ZNF90: variants seen among roughly 807,000 people sequenced by gnomAD.
The protein encoded by ZNF90 is zinc finger protein HTF9.
A neutral mutation model predicts 12.0 loss-of-function variants in ZNF90; 11 were observed. The ratio of observed to expected loss-of-function variants is 0.92; its 90% CI spans 0.58 to 1.52. The LOEUF is 1.52. ZNF90 is among the 40% of genes most tolerant of loss of function. ZNF90 has a pLI of 0.00. For missense variants in ZNF90, 765 were observed against 711.5 expected (o/e 1.08, Z -0.86); for synonymous variants, 232 against 240.1 (o/e 0.97, Z 0.31).
At position 20,114,471 on chromosome 19, in the gene ZNF90, A is replaced by G. The variant is rs899677789; in HGVS notation, c.227-3310A>G. Among the ~76,000 whole-genome samples, 6 of 152,276 alleles carry G rather than the reference A, an allele frequency of 3.9e-5. No individual in the cohort carries two copies. In the East Asian group the frequency reaches 1.2e-3, roughly 29 times the overall value. On this transcript the variant is annotated intron_variant, in intron 3 of 3. Transcript: ENST00000418063. Reference sequence around the variant, plus strand: ...CTGTTTCAAAGAGCATAACTGATTTATATATCTTATACAATATCTGTCTGT... The same window carrying G: ...CTGTTTCAAAGAGCATAACTGATTTGTATATCTTATACAATATCTGTCTGT...
chr19:20,096,755 G>T (rs2088950398), intron 1 of ZNF90, among the ~76,000 whole-genome samples: 1 of 152,190 alleles, frequency 6.6e-6, no homozygotes. Context: ...GGATGCGATG[G>T]CTTGGCTTGG....
intron 3 of ZNF90, among the ~76,000 whole-genome samples, chr19:20,107,296 G>T (rs1490006782): frequency 6.6e-6 from 1 of 152,216 alleles, no homozygotes; most frequent in Non-Finnish European, 1.5e-5. Flanking sequence ...GATGGTTACA[G>T]AGTAAGTTCT....
intron 1 of ZNF90, among the ~76,000 whole-genome samples, chr19:20,081,983 C>A (rs866214752): frequency 3.3e-5 from 5 of 151,926 alleles, no homozygotes; most frequent in South Asian, 2.1e-4. Flanking sequence ...CCAGGAGGGT[C>A]TCGATCTCCT....
intron 3 of ZNF90, among the ~76,000 whole-genome samples, chr19:20,108,342 C>G (rs2089057250): frequency 1.3e-5 from 2 of 151,898 alleles, no homozygotes; most frequent in African/African-American, 2.4e-5. Flanking sequence ...AGTAGTTACT[C>G]TCTCTCACCC....
At chr19:20,080,234 G>C (rs753525374) in intron 1 of ZNF90, 61 of 582,820 alleles carry the variant, frequency 1.0e-4, no homozygotes, top group Non-Finnish European at 1.0e-5. Context: ...CTGTTGATGA[G>C]CACGATGCAA....
intron 3 of ZNF90, among the ~76,000 whole-genome samples, chr19:20,117,013 T>TGTGTGTG (rs2089142681): frequency 7.8e-6 from 1 of 128,666 alleles, no homozygotes; most frequent in East Asian, 2.5e-4. Context: ...CAACTTACAT[T>TGTGTGTG]TGTGTGTGTG....
At chr19:20,080,449 G>A (rs1039296874) in intron 1 of ZNF90, 1 of 309,308 alleles carries the variant, frequency 3.2e-6, no homozygotes. Flanking sequence ...GCAGCCGGGC[G>A]CCACAACTCA....
chr19:20,104,245 T>A lies in ZNF90; in HGVS notation c.10T>A (p.Leu4Met). The A allele has an allele frequency of 1.2e-6, 2 of 1,613,876 alleles. No homozygotes were observed. Reference sequence around the variant, plus strand: ...GTATATGTGTGTTTTTCAGGGACCATTGGAATTTAGAGATGTGGCCATAGA... The same window carrying A: ...GTATATGTGTGTTTTTCAGGGACCAATGGAATTTAGAGATGTGGCCATAGA... Reference protein sequence around the residue: MGPLEFRDVAIEFS... With the variant: MGPMEFRDVAIEFS... Residue 4 changes from leucine (L) to methionine (M), a missense_variant, in exon 2 of 4, where the codon TTG (leucine) becomes ATG (methionine). Coordinates refer to ENST00000418063, the MANE Select transcript of ZNF90 (RefSeq NM_007138.2).
chr19:20,117,871 G>C lies in ZNF90; in HGVS notation c.317G>C (p.Arg106Pro). ...GTGATAGTGACAAGATATGAAAAAC[G>C]TGAATATGGCAATTTAGAGTTAAAA... ...QKVIVTRYEK[R>P]EYGNLELKKG... Residue 106 changes from arginine to proline, a missense_variant, in exon 4 of 4, where the codon CGT becomes CCT. Arg to Pro is a moderately radical substitution (Grantham distance 103). Coordinates refer to ENST00000418063, the MANE Select transcript of ZNF90 (RefSeq NM_007138.2). The C allele has an allele frequency of 6.2e-7, 1 of 1,610,356 alleles. No individual in the cohort carries two copies.
At chr19:20,098,996 A>G (rs2088969457) in intron 1 of ZNF90, among the ~76,000 whole-genome samples, 1 of 152,110 alleles carries the variant, frequency 6.6e-6, no homozygotes, top group African/African-American at 2.4e-5. Context: ...GGTTCCAACA[A>G]TCCAGAAACT....
chr19:20,111,889 C>A (rs1222563875), intron 3 of ZNF90, among the ~76,000 whole-genome samples: 1 of 148,660 alleles, frequency 6.7e-6, no homozygotes, highest in South Asian at 2.1e-4. Context: ...GATGGAGTCT[C>A]ACTCTATTGC....
At chr19:20,089,192 G>A (rs1599641593) in intron 1 of ZNF90, among the ~76,000 whole-genome samples, 2 of 152,138 alleles carry the variant, frequency 1.3e-5, no homozygotes, top group Non-Finnish European at 2.9e-5. Context: ...CTGCATAGAG[G>A]GGGAGTTTTG....
chr19:20,098,433 T>A (rs2088965137), intron 1 of ZNF90, among the ~76,000 whole-genome samples: 1 of 152,254 alleles, frequency 6.6e-6, no homozygotes, highest in Non-Finnish European at 1.5e-5. Flanking sequence ...TAGCATCTGA[T>A]GGCAGAATCT....
chr19:20,085,174 A>G (rs781884048), intron 1 of ZNF90, among the ~76,000 whole-genome samples: 4 of 152,072 alleles, frequency 2.6e-5, no homozygotes, highest in Admixed American at 6.6e-5. Flanking sequence ...TTATGAAACA[A>G]TTCTTCCCAC....
chr19:20,087,868 T>C (rs1336974046), intron 1 of ZNF90, among the ~76,000 whole-genome samples: 5 of 152,062 alleles, frequency 3.3e-5, no homozygotes, highest in Admixed American at 1.3e-4. Flanking sequence ...GTTTGTTCTC[T>C]GGTGGACAGG....
At chr19:20,091,675 T>C (rs1004070939) in intron 1 of ZNF90, among the ~76,000 whole-genome samples, 1 of 152,206 alleles carries the variant, frequency 6.6e-6, no homozygotes, top group Non-Finnish European at 1.5e-5. Flanking sequence ...CAGCTTCTTT[T>C]GGAAGTAAAG....
chr19:20,117,048 A>AGT (rs2089144191), intron 3 of ZNF90, among the ~76,000 whole-genome samples: 1 of 135,178 alleles, frequency 7.4e-6, no homozygotes, highest in African/African-American at 3.1e-5. Flanking sequence ...TGTGTGTGTG[A>AGT]GAGAGAGAGA....
chr19:20,113,295 C>T (rs540815336), intron 3 of ZNF90, among the ~76,000 whole-genome samples: 20 of 151,936 alleles, frequency 1.3e-4, no homozygotes, highest in African/African-American at 3.4e-4. Flanking sequence ...GGTTCAAGCC[C>T]TTCTCCTGCC....
intron 1 of ZNF90, among the ~76,000 whole-genome samples, chr19:20,083,686 A>G (rs782767770): frequency 6.6e-6 from 1 of 152,196 alleles, no homozygotes; most frequent in Non-Finnish European, 1.5e-5. Flanking sequence ...TGCAAAGGAC[A>G]TAATCATTTC....
Sources: gnomAD v4.1 joint callset for allele counts (sites outside exome capture counted in the v4.1 genomes callset) on GRCh38, gnomAD v4.1.1 for gene constraint, MANE v1.5 for transcripts, NCBI Gene and HGNC (gene_info 2026-07-23, HGNC 2026-07-21) for gene names.